The following VSNL1 variants were observed in gnomAD, a reference collection of about 807,000 sequenced individuals.
The protein encoded by VSNL1 is visinin like 1.
Under a neutral mutation model 20.4 loss-of-function variants are expected in VSNL1, and 6 were observed. The ratio of observed to expected loss-of-function variants is 0.29; its 90% confidence interval spans 0.16 to 0.58. The LOEUF is 0.58. Among genes scored for constraint, VSNL1 ranks in the 20% least tolerant of loss-of-function variants. The probability of loss-of-function intolerance (pLI) is 0.90; values close to 1 mark genes in which losing one functional copy is unlikely to be tolerated. For synonymous variants in VSNL1, 93 were observed against 86.4 expected (o/e 1.08, Z -0.42); for missense variants, 100 against 234.5 (o/e 0.43, Z 3.75).
intron 1 of VSNL1, 135 bp from the exon 2 acceptor site, chr2:17,591,935 A>T: frequency 2.4e-6 from 2 of 847,534 alleles, no homozygotes; most frequent in Non-Finnish European, 3.6e-6. Context: ...AAGGAGGCAG[A>T]CTTGGGAAGA....
intron 2 of VSNL1, among the ~76,000 whole-genome samples, chr2:17,628,345 C>T (rs1423409141): frequency 6.6e-6 from 1 of 152,146 alleles, no homozygotes; most frequent in Non-Finnish European, 1.5e-5. Context: ...TTTTTTCTGT[C>T]TGATATATAG....
chr2:17,626,202 C>T (rs62133588), intron 2 of VSNL1, among the ~76,000 whole-genome samples: 8,173 of 152,318 alleles, frequency 0.054, 258 homozygotes, highest in East Asian at 0.092. Flanking sequence ...CCTGCAAAAA[C>T]TGGTGCCCTT....
At chr2:17,572,528 A>G (rs1436641979) in intron 1 of VSNL1, among the ~76,000 whole-genome samples, 1 of 152,202 alleles carries the variant, frequency 6.6e-6, no homozygotes, top group African/African-American at 2.4e-5. Flanking sequence ...AAGAGGAGGA[A>G]GAAAAAGAAG....
chr2:17,606,797 T>G (rs1664955667), intron 2 of VSNL1, among the ~76,000 whole-genome samples: 1 of 152,110 alleles, frequency 6.6e-6, no homozygotes, highest in Admixed American at 6.5e-5. Context: ...GTTACATGCT[T>G]TACTGGTCTA....
chr2:17,576,138 A>G (rs893582402), intron 1 of VSNL1, among the ~76,000 whole-genome samples: 1 of 152,200 alleles, frequency 6.6e-6, no homozygotes, highest in African/African-American at 2.4e-5. Context: ...GCAAGAGAGG[A>G]AAACAATTGT....
intron 2 of VSNL1, among the ~76,000 whole-genome samples, chr2:17,594,521 T>C (rs2710693): frequency 1 from 152,374 of 152,378 alleles, 76,185 homozygotes; most frequent in Middle Eastern, 1. Flanking sequence ...AAGCTTCTTT[T>C]AATGTTTCTG....
rs1019119363 is a variant in VSNL1 at position 17,656,563 on chromosome 2, A to G, written c.*1169A>G. ...AAGACATCTGTCTTCCCAAATCTAA[A>G]GTAGGCAAAAAATAACAGAAGTAGC... On this transcript the variant is annotated 3_prime_UTR_variant, in exon 4 of 4. Coordinates refer to ENST00000295156, the MANE Select transcript of VSNL1 (RefSeq NM_003385.5). 8 of 152,180 alleles carry G rather than the reference A, an allele frequency of 5.3e-5. No individual in the cohort carries two copies. Among genetic ancestry groups the G allele is most frequent in the African/African-American group, 1.9e-4 (8 of 41,396 alleles). The allele number at this position is 152,180 out of a possible 1,614,324, so 9.4% of individuals were successfully genotyped here.
At chr2:17,542,203 G>GTT (rs1663299412) in intron 1 of VSNL1, among the ~76,000 whole-genome samples, 1 of 137,388 alleles carries the variant, frequency 7.3e-6, no homozygotes, top group Non-Finnish European at 1.7e-5. Context: ...GCCTACGTGT[G>GTT]TTTGTGTGTG....
At chr2:17,650,485 T>C (rs1030980786) in intron 3 of VSNL1, among the ~76,000 whole-genome samples, 1 of 152,226 alleles carries the variant, frequency 6.6e-6, no homozygotes, top group African/African-American at 2.4e-5. Flanking sequence ...CAATAGCAGA[T>C]GCATGGTTCG....
At chr2:17,540,670 G>C (rs1663260821), upstream of VSNL1, 1 of 152,666 alleles carries the variant, frequency 6.6e-6, no homozygotes, top group African/African-American at 2.4e-5. Flanking sequence ...CAGCTCCAGG[G>C]ACCCTAGGTT....
At chr2:17,619,790 T>A (rs923702278) in intron 2 of VSNL1, among the ~76,000 whole-genome samples, 1 of 152,004 alleles carries the variant, frequency 6.6e-6, no homozygotes, top group African/African-American at 2.4e-5. Context: ...GAATAAAGAT[T>A]TATTGGGCAT....
intron 1 of VSNL1, 173 bp downstream of exon 1, chr2:17,541,091 G>A (rs1663275705): frequency 7.0e-6 from 1 of 142,866 alleles, no homozygotes; most frequent in South Asian, 2.3e-4. Flanking sequence ...GTCCATGGGG[G>A]ATCTTTTGGA....
rs544370167 is a variant in VSNL1, at chr2:17,562,661, G to A, written c.-6+21743G>A. 5.9e-5 allele frequency among the ~76,000 whole-genome samples: 9 copies of A among 152,250 alleles called. No homozygotes were observed. The East Asian group carries it at 9.6e-4, about 16-fold the overall frequency. On this transcript the variant is annotated intron_variant, in intron 1 of 3. Coordinates refer to ENST00000295156, the MANE Select transcript of VSNL1 (RefSeq NM_003385.5). ...GCAGATGTACCTACCTCTAAACGTC[G>A]TGATTAAAAGAGGAGTTATTTTAAG...
At chr2:17,615,725 C>T (rs2103397432) in intron 2 of VSNL1, among the ~76,000 whole-genome samples, 1 of 152,348 alleles carries the variant, frequency 6.6e-6, no homozygotes, top group South Asian at 2.1e-4. Context: ...AAGATGATTG[C>T]TGCAGTTCCA....
Position 17,649,295 on chromosome 2 carries a change from T to G in VSNL1, c.163-115T>G, listed in dbSNP as rs1012811191. 3.9e-6 allele frequency: 4 copies of G among 1,019,302 alleles called. No individual in the cohort carries two copies. Among genetic ancestry groups the G allele is most frequent in the Non-Finnish European group, 6.0e-6 (4 of 666,250 alleles). The allele number at this position is 1,019,302 out of a possible 1,614,324, so 63.1% of individuals were successfully genotyped here. On this transcript the variant is annotated intron_variant, in intron 2 of 3. Coordinates refer to ENST00000295156, the MANE Select transcript of VSNL1 (RefSeq NM_003385.5). The surrounding 1 kb of genome is among the most constrained non-coding windows in gnomAD (Gnocchi z 6.4). The stretch of plus-strand genomic sequence containing the variant: ...ACAGTCAGGCCAAACTGCTCTCCAA[T>G]GGGTGAGGCTCCGACAACGCCCAGG...
intron 2 of VSNL1, among the ~76,000 whole-genome samples, chr2:17,637,035 G>A (rs975499773): frequency 6.6e-6 from 1 of 152,150 alleles, no homozygotes. Context: ...ATAGGCTGTC[G>A]CCCACCCGGA....
chr2:17,589,439 G>A (rs528222238), intron 1 of VSNL1, among the ~76,000 whole-genome samples: 14 of 152,292 alleles, frequency 9.2e-5, no homozygotes, highest in African/African-American at 2.9e-4. Flanking sequence ...AAGGAGAGTG[G>A]TTGGAGTCAG....
chr2:17,606,503 G>T (rs1405040006), intron 2 of VSNL1, among the ~76,000 whole-genome samples: 1 of 152,192 alleles, frequency 6.6e-6, no homozygotes, highest in African/African-American at 2.4e-5. Flanking sequence ...TACACTTCTA[G>T]CTTAGGTTCC....
At position 17,622,212 on chromosome 2, in the gene VSNL1, C is replaced by CAAA. The variant is rs60417092; in HGVS notation, c.163-27184_163-27182dup. Among the ~76,000 whole-genome samples, 64 of 134,592 alleles carry CAAA rather than the reference C, an allele frequency of 4.8e-4. 1 individual carries two copies. Among genetic ancestry groups the CAAA allele is most frequent in the African/African-American group, 1.7e-3 (61 of 36,844 alleles). 88.3% of individuals were successfully genotyped at this position (134,592 alleles called of 152,430 possible). On this transcript the variant is annotated intron_variant, in intron 2 of 3. Transcript: ENST00000295156. Reference sequence around the variant, plus strand: ...ACATAAAAATCTTCAGACTCTATCTCAAAAAAAAAAAAAAAATCAGGCTGG... The same window carrying CAAA: ...ACATAAAAATCTTCAGACTCTATCTCAAAAAAAAAAAAAAAAAAATCAGGCTGG...
Sources: gnomAD v4.1 joint callset for allele counts (sites outside exome capture counted in the v4.1 genomes callset) on GRCh38, gnomAD v4.1.1 for gene constraint, Gnocchi (gnomAD v3.1) non-coding constraint, MANE v1.5 for transcripts, NCBI Gene and HGNC (gene_info 2026-07-23, HGNC 2026-07-21) for gene names.